TMEM26: variants seen among roughly 807,000 people sequenced by gnomAD.
TMEM26 encodes transmembrane protein 26.
A neutral mutation model predicts 28.8 loss-of-function variants in TMEM26; 38 were observed. That is an observed-to-expected ratio of 1.32 (90% confidence interval 1.02 to 1.73). The LOEUF (loss-of-function observed/expected upper bound fraction) is 1.73. Ranked by LOEUF, TMEM26 falls within the 40% of genes most tolerant of loss-of-function variation. The probability of loss-of-function intolerance (pLI) is 0.00; values close to 1 mark genes in which losing one functional copy is unlikely to be tolerated. For synonymous variants in TMEM26, 227 were observed against 182.9 expected (o/e 1.24, Z -1.95); for missense variants, 518 against 447.1 (o/e 1.16, Z -1.43).
At position 61,436,582 on chromosome 10, in the gene TMEM26, T is replaced by C. The variant is rs1256887572; in HGVS notation, c.192-334A>G. Among the ~76,000 whole-genome samples, 3 of 152,226 alleles carry C rather than the reference T, an allele frequency of 2.0e-5. No homozygotes were observed. The East Asian group carries it at 5.8e-4, about 29-fold the overall frequency. On this transcript the variant is annotated intron_variant, in intron 1 of 5. Transcript: ENST00000399298. ...ACAACACTGGATATTTTGTATTTAA[T>C]ATGTTTTACGAAAAGCAAATACAGC... is the stretch of plus-strand genomic sequence containing the variant.
intron 2 of TMEM26, among the ~76,000 whole-genome samples, chr10:61,435,338 G>A (rs915012832): frequency 2.6e-5 from 4 of 152,004 alleles, no homozygotes; most frequent in Admixed American, 6.6e-5. Context: ...ATGCCACCAC[G>A]CCCAGATAAT....
chr10:61,443,640 A>G (rs1840132162), intron 1 of TMEM26, among the ~76,000 whole-genome samples: 1 of 152,218 alleles, frequency 6.6e-6, no homozygotes, highest in South Asian at 2.1e-4. Context: ...GTCTATATTC[A>G]GATTTTGTAA....
At chr10:61,432,499 A>G (rs899202720) in intron 2 of TMEM26, among the ~76,000 whole-genome samples, 6 of 152,254 alleles carry the variant, frequency 3.9e-5, no homozygotes, top group South Asian at 2.1e-4. Context: ...GCTGTACCCA[A>G]TGAAAATTTT....
intron 1 of TMEM26, among the ~76,000 whole-genome samples, chr10:61,449,169 C>A (rs1037590157): frequency 6.6e-6 from 1 of 151,950 alleles, no homozygotes; most frequent in Non-Finnish European, 1.5e-5. Context: ...AAAGCAAACT[C>A]CAGGAGTACA....
At chr10:61,416,321 A>T (rs1839651744) in intron 4 of TMEM26, among the ~76,000 whole-genome samples, 1 of 152,104 alleles carries the variant, frequency 6.6e-6, no homozygotes, top group Non-Finnish European at 1.5e-5. Flanking sequence ...CAGAATTCTA[A>T]CACCAGCTCC....
chr10:61,426,947 TCC>T, intron 4 of TMEM26, among the ~76,000 whole-genome samples: 1 of 152,100 alleles, frequency 6.6e-6, no homozygotes, highest in Non-Finnish European at 1.5e-5. Context: ...AAATTTTATA[TCC>T]TTCCTAGGCT....
chr10:61,424,616 C>G (rs991862106), intron 4 of TMEM26, among the ~76,000 whole-genome samples: 1 of 152,138 alleles, frequency 6.6e-6, no homozygotes, highest in Non-Finnish European at 1.5e-5. Flanking sequence ...CCTACAATAG[C>G]TAAAACAAAT....
At chr10:61,429,955 C>T (rs1453782070) in intron 3 of TMEM26, among the ~76,000 whole-genome samples, 1 of 152,042 alleles carries the variant, frequency 6.6e-6, no homozygotes, top group Non-Finnish European at 1.5e-5. Context: ...AATTCATTTA[C>T]CCCTCTCCAT....
chr10:61,414,975 A>G, intron 4 of TMEM26: 1 of 985,236 alleles, frequency 1.0e-6, no homozygotes, highest in South Asian at 4.7e-5. Context: ...GGCTCCCCAC[A>G]GGGGGACTCT....
At chr10:61,418,047 T>C (rs928705760) in intron 4 of TMEM26, among the ~76,000 whole-genome samples, 1 of 151,932 alleles carries the variant, frequency 6.6e-6, no homozygotes, top group Admixed American at 6.6e-5. Context: ...CCACAGATAT[T>C]CATTCCCCTA....
chr10:61,439,644 C>A (rs1263671520), intron 1 of TMEM26, among the ~76,000 whole-genome samples: 1 of 152,160 alleles, frequency 6.6e-6, no homozygotes, highest in African/African-American at 2.4e-5. Flanking sequence ...ATGCACTGAT[C>A]TTTGGAAATT....
At chr10:61,411,090 A>G (rs1016402678) in intron 5 of TMEM26, among the ~76,000 whole-genome samples, 1 of 152,236 alleles carries the variant, frequency 6.6e-6, no homozygotes, top group East Asian at 1.9e-4. Flanking sequence ...GGAATAAAAA[A>G]TAAAGGAAGC....
chr10:61,413,681 C>A, intron 4 of TMEM26, 146 bp from the exon 5 acceptor site: 2 of 1,328,734 alleles, frequency 1.5e-6, no homozygotes, highest in South Asian at 2.2e-5. Context: ...TGAAAAAAAT[C>A]CTTACATGAT....
intron 1 of TMEM26, among the ~76,000 whole-genome samples, chr10:61,439,521 G>A (rs555088503): frequency 6.6e-6 from 1 of 152,150 alleles, no homozygotes; most frequent in African/African-American, 2.4e-5. Context: ...ATTTCAAGAG[G>A]TCTGGTATCA....
At chr10:61,433,723 C>T (rs7075423) in intron 2 of TMEM26, among the ~76,000 whole-genome samples, 77,157 of 151,870 alleles carry the variant, frequency 0.51, 21,562 homozygotes, top group African/African-American at 0.75. Context: ...ATAGAGCAAA[C>T]GGAAAATGTG....
chr10:61,428,276 T>C (rs1839864423), intron 4 of TMEM26, among the ~76,000 whole-genome samples: 1 of 152,100 alleles, frequency 6.6e-6, no homozygotes, highest in Admixed American at 6.6e-5. Flanking sequence ...CGTAAACAGA[T>C]GTGATCATGG....
Position 61,448,627 on chromosome 10 carries a change from T to G in TMEM26, c.191+4264A>C, listed in dbSNP as rs1444264654. Among the ~76,000 whole-genome samples, 9 of 151,734 alleles carry G rather than the reference T, an allele frequency of 5.9e-5. No homozygotes were observed. In the East Asian group the frequency reaches 7.7e-4, roughly 13 times the overall value. On this transcript the variant is annotated intron_variant, in intron 1 of 5. Transcript: ENST00000399298. ...TTGTTTTCTGTTTTTTTGTTTTTTT[T>G]TTTTTTTGGTCTGGTCACACAGTGT... is the stretch of plus-strand genomic sequence containing the variant.
At chr10:61,413,680 T>G in intron 4 of TMEM26, 145 bp from the exon 5 acceptor site, 1 of 1,337,190 alleles carries the variant, frequency 7.5e-7, no homozygotes, top group Non-Finnish European at 9.6e-7. Context: ...ATGAAAAAAA[T>G]CCTTACATGA....
At position 61,410,325 on chromosome 10, in the gene TMEM26, A is replaced by C. The variant is rs1248302837; in HGVS notation, c.1104T>G (p.Pro368=). ...PVTSDDSHHT[P] ...GCAGACCACTGTCAATCAATAACTA[A>C]GGGGTGTGGTGGGAGTCGTCGGAGG... The change falls in exon 6 of 6, where the codon CCT becomes CCG. Residue 368 remains proline, a synonymous_variant. Transcript: ENST00000399298. 2 of 1,607,672 alleles carry C rather than the reference A, an allele frequency of 1.2e-6. No individual in the cohort carries two copies. The highest frequency in any genetic ancestry group is 1.7e-6 in the Non-Finnish European group (2 of 1,175,798).
Sources: allele counts gnomAD v4.1 joint callset (sites outside exome capture counted in the v4.1 genomes callset), GRCh38; gene constraint gnomAD v4.1.1; transcripts MANE v1.5; gene names NCBI Gene and HGNC (gene_info 2026-07-23, HGNC 2026-07-21).